The following MYO18B variants were observed in gnomAD, a reference collection of about 807,000 sequenced individuals.
MYO18B encodes unconventional myosin-XVIIIb.
Under a neutral mutation model 273.0 loss-of-function variants are expected in MYO18B, and 204 were observed. That is an observed-to-expected ratio of 0.75 (90% CI 0.67 to 0.84). The LOEUF (loss-of-function observed/expected upper bound fraction) is 0.84. Among genes scored for constraint, MYO18B ranks in the 40% least tolerant of loss-of-function variants. The pLI, the probability that MYO18B is intolerant of heterozygous loss-of-function variation, is 0.00. For missense variants in MYO18B, 3,212 were observed against 3,287.6 expected (o/e 0.98, Z 0.56); for synonymous variants, 1,330 against 1,305.7 (o/e 1.02, Z -0.40).
chr22:25,852,559 C>T (rs1158715428), intron 21 of MYO18B, among the ~76,000 whole-genome samples: 1 of 152,166 alleles, frequency 6.6e-6, no homozygotes, highest in Non-Finnish European at 1.5e-5. Context: ...ACAGGCTTAT[C>T]GATGATTAGA....
At chr22:26,017,127 T>TCCTC (rs1276173852) in intron 42 of MYO18B, among the ~76,000 whole-genome samples, 3 of 145,206 alleles carry the variant, frequency 2.1e-5, no homozygotes, top group Non-Finnish European at 4.5e-5. Context: ...CTTCCTTCTT[T>TCCTC]CCTCCCTTCC....
Position 25,935,403 on chromosome 22 carries a change from G to C in MYO18B, c.5518-10734G>C, listed in dbSNP as rs958468579. Among the ~76,000 whole-genome samples the C allele has an allele frequency of 3.3e-5, 5 of 152,178 alleles. No individual in the cohort carries two copies. The East Asian group carries it at 9.7e-4, about 29-fold the overall frequency. ...CATGCCCTCCTGAGGCAACCCCCTGGAGGGGGTACTTTCCTGGGGACATGC... is the reference window on the plus strand; with the variant it reads ...CATGCCCTCCTGAGGCAACCCCCTGCAGGGGGTACTTTCCTGGGGACATGC... On this transcript the variant is annotated intron_variant, in intron 34 of 43. Transcript: ENST00000335473.
chr22:25,819,549 C>T (rs946593209), intron 12 of MYO18B, among the ~76,000 whole-genome samples: 2 of 152,224 alleles, frequency 1.3e-5, no homozygotes, highest in African/African-American at 4.8e-5. Context: ...GAGCAGATTT[C>T]AGGCTCACAG....
chr22:26,020,382 G>A (rs972886498), intron 42 of MYO18B, among the ~76,000 whole-genome samples: 4 of 152,040 alleles, frequency 2.6e-5, no homozygotes, highest in African/African-American at 7.2e-5. Context: ...ACACTAGCTC[G>A]TTCTGAGGCT....
intron 39 of MYO18B, among the ~76,000 whole-genome samples, chr22:25,970,204 C>G (rs2093022747): frequency 6.6e-6 from 1 of 152,038 alleles, no homozygotes; most frequent in South Asian, 2.1e-4. Flanking sequence ...TATTATCACT[C>G]TCATCACTGT....
intron 12 of MYO18B, among the ~76,000 whole-genome samples, chr22:25,805,021 T>A (rs1467572670): frequency 2.6e-5 from 4 of 152,128 alleles, no homozygotes; most frequent in Non-Finnish European, 1.5e-5. Context: ...ATCTCTCAGC[T>A]CCTCTGGTGT....
chr22:25,924,699 C>T (rs999495934), intron 34 of MYO18B, among the ~76,000 whole-genome samples: 2 of 152,044 alleles, frequency 1.3e-5, no homozygotes, highest in Admixed American at 1.3e-4. Flanking sequence ...AGGTTGTGAG[C>T]GAAGCGTGAC....
rs368837659 is a variant in MYO18B at position 25,828,758 on chromosome 22, T to C, written c.2787-18T>C. The stretch of plus-strand genomic sequence containing the variant: ...TCCATGCCATCTCAGACATTCCACC[T>C]CTCTCTTCTCTCCCTAGATCCTTTT... On this transcript the variant is annotated intron_variant, in intron 14 of 43. Coordinates refer to ENST00000335473, the MANE Select transcript of MYO18B (RefSeq NM_032608.7). The C allele has an allele frequency of 1.6e-5, 26 of 1,607,168 alleles. No individual in the cohort carries two copies. In the African/African-American group the frequency reaches 2.9e-4, roughly 18 times the overall value.
intron 1 of MYO18B, among the ~76,000 whole-genome samples, chr22:25,745,964 C>T (rs1416129733): frequency 6.6e-6 from 1 of 152,140 alleles, no homozygotes; most frequent in African/African-American, 2.4e-5. Context: ...TTATTAGCCC[C>T]ATTTTACAGG....
intron 11 of MYO18B, among the ~76,000 whole-genome samples, chr22:25,794,950 C>T (rs2087845387): frequency 6.6e-6 from 1 of 152,246 alleles, no homozygotes; most frequent in Admixed American, 6.5e-5. Context: ...ATTGTCTCAA[C>T]TTCTCTTACC....
At position 25,902,594 on chromosome 22, in the gene MYO18B, C is replaced by T. The variant is rs1031418783; in HGVS notation, c.4824-19C>T. ...CCCACCTGCCTACGGGGCCCTGACA[C>T]GTGCTCTGCTTTGCACAGGTTTGAC... On this transcript the variant is annotated intron_variant, in intron 29 of 43. Transcript: ENST00000335473. The T allele has an allele frequency of 1.2e-5, 20 of 1,602,816 alleles. No homozygotes were observed. The highest frequency in any genetic ancestry group is 1.7e-4 in the Middle Eastern group (1 of 5,788).
At chr22:25,763,204 C>T (rs553136274) in intron 2 of MYO18B, 27 bp from the exon 3 acceptor site, 1 of 1,609,394 alleles carries the variant, frequency 6.2e-7, no homozygotes, top group South Asian at 1.1e-5. Context: ...TCACTGAGCT[C>T]TCTCTTTCCT....
chr22:25,821,069 TTGTC>T (rs1323987558), intron 12 of MYO18B, among the ~76,000 whole-genome samples: 8 of 152,318 alleles, frequency 5.3e-5, no homozygotes, highest in Admixed American at 1.3e-4. Flanking sequence ...CTTTACCCAT[TTGTC>T]TGTTTTGGAC....
intron 32 of MYO18B, among the ~76,000 whole-genome samples, chr22:25,908,977 C>T (rs1399647760): frequency 6.6e-6 from 1 of 152,196 alleles, no homozygotes; most frequent in African/African-American, 2.4e-5. Context: ...GTTCTGAAGC[C>T]TGTTGTCTCT....
At chr22:25,920,635 C>T (rs749590313) in intron 33 of MYO18B, among the ~76,000 whole-genome samples, 2 of 152,150 alleles carry the variant, frequency 1.3e-5, no homozygotes. Flanking sequence ...AAAAGAGGAC[C>T]AAAGGACAGA....
In MYO18B at chr22:25,885,454, A is replaced by C. The variant is rs140810624; in HGVS notation, c.4315-5302A>C. 8.3e-3 allele frequency among the ~76,000 whole-genome samples: 1,266 copies of C among 152,262 alleles called. 26 individuals are homozygous for C. The highest frequency in any genetic ancestry group is 0.029 in the African/African-American group (1,212 of 41,550). On this transcript the variant is annotated intron_variant, in intron 25 of 43. Coordinates refer to ENST00000335473, the MANE Select transcript of MYO18B (RefSeq NM_032608.7). ...GATAAGCAGGAGCTGGCCAGGTGAC[A>C]AGGTGAGGGGACATTCCAGGTACAG...
chr22:25,845,245 G>A (rs907613190), intron 18 of MYO18B, among the ~76,000 whole-genome samples: 9 of 152,194 alleles, frequency 5.9e-5, no homozygotes, highest in Non-Finnish European at 1.0e-4. Flanking sequence ...TTGGCCGGGC[G>A]CGGTGGCTCA....
At chr22:26,040,856 G>A in the MYO18B span, among the ~76,000 whole-genome samples, 2 of 152,180 alleles carry the variant, frequency 1.3e-5, no homozygotes, top group East Asian at 1.9e-4. Context: ...GTCAGATGAT[G>A]TAGGGCCTTG....
intron 36 of MYO18B, among the ~76,000 whole-genome samples, chr22:25,949,460 A>C (rs9620573): frequency 0.013 from 1,921 of 152,306 alleles, 38 homozygotes; most frequent in African/African-American, 0.042. Context: ...AATCCCCAGC[A>C]GATCTCCACA....
Sources: gnomAD v4.1 joint callset for allele counts (sites outside exome capture counted in the v4.1 genomes callset) on GRCh38, gnomAD v4.1.1 for gene constraint, MANE v1.5 for transcripts, NCBI Gene and HGNC (gene_info 2026-07-23, HGNC 2026-07-21) for gene names.